FAF1: variants seen among roughly 807,000 people sequenced by gnomAD.
FAF1 encodes Fas associated factor 1.
FAF1 carries 25 observed loss-of-function variants against 92.5 expected under a neutral mutation model. The observed-to-expected ratio is 0.27, with a 90% CI of 0.20 to 0.38. The LOEUF (loss-of-function observed/expected upper bound fraction) is 0.38. Ranked by LOEUF, FAF1 falls within the 10% of genes least tolerant of loss-of-function variation. The pLI is 1.00. For missense variants in FAF1, 636 were observed against 793.3 expected (o/e 0.80, Z 2.38); for synonymous variants, 234 against 273.2 (o/e 0.86, Z 1.42).
intron 12 of FAF1, among the ~76,000 whole-genome samples, chr1:50,574,896 C>CTGTTTTTTTTTTGTTTTTTTTTT: frequency 8.1e-6 from 1 of 122,916 alleles, no homozygotes; most frequent in East Asian, 2.3e-4. Context: ...GTTGTATTAA[C>CTGTTTTTTTTTTGTTTTTTTTTT]TCTTTTTTTT....
At chr1:50,872,513 T>TAGA (rs1436257606) in intron 1 of FAF1, among the ~76,000 whole-genome samples, 1 of 152,210 alleles carries the variant, frequency 6.6e-6, no homozygotes, top group East Asian at 1.9e-4. Context: ...ACAAAGGATT[T>TAGA]AGACTATGAC....
At chr1:50,636,566 G>A (rs968576458) in intron 8 of FAF1, among the ~76,000 whole-genome samples, 14 of 151,906 alleles carry the variant, frequency 9.2e-5, no homozygotes, top group Non-Finnish European at 1.6e-4. Flanking sequence ...ATGTTGGCCA[G>A]GCTAGTCTTG....
At chr1:50,451,849 TTAG>T in intron 18 of FAF1, 1 of 1,015,056 alleles carries the variant, frequency 9.9e-7, no homozygotes, top group Non-Finnish European at 1.2e-6. Context: ...GCCTATGCCT[TTAG>T]ATGGACTGTT....
intron 4 of FAF1, among the ~76,000 whole-genome samples, chr1:50,763,045 A>C (rs1660393946): frequency 6.6e-6 from 1 of 152,146 alleles, no homozygotes; most frequent in Admixed American, 6.5e-5. Flanking sequence ...ACCTGAGGTC[A>C]GGAGTTCAAG....
chr1:50,456,290 A>G (rs1646352088), intron 18 of FAF1, among the ~76,000 whole-genome samples: 1 of 152,096 alleles, frequency 6.6e-6, no homozygotes, highest in Non-Finnish European at 1.5e-5. Flanking sequence ...AGATGTCAAA[A>G]TGAGAGGCTG....
At chr1:50,530,155 A>T (rs1260441228) in intron 15 of FAF1, among the ~76,000 whole-genome samples, 1 of 152,058 alleles carries the variant, frequency 6.6e-6, no homozygotes, top group Admixed American at 6.6e-5. Context: ...AATCTCACAT[A>T]TAAATTTATA....
intron 8 of FAF1, among the ~76,000 whole-genome samples, chr1:50,614,626 G>C (rs749039001): frequency 6.7e-4 from 102 of 152,124 alleles, no homozygotes; most frequent in Non-Finnish European, 1.3e-3. Context: ...GATTACCTAA[G>C]GTCAGGAGTT....
chr1:50,727,014 T>G (rs1658689946), intron 6 of FAF1, among the ~76,000 whole-genome samples: 1 of 152,202 alleles, frequency 6.6e-6, no homozygotes, highest in Non-Finnish European at 1.5e-5. Flanking sequence ...CCTTCTCCAG[T>G]TATATTTATA....
At chr1:50,598,462 T>TAAAA (rs890794436) in intron 8 of FAF1, among the ~76,000 whole-genome samples, 2 of 112,360 alleles carry the variant, frequency 1.8e-5, no homozygotes. Flanking sequence ...AACCTGTCTT[T>TAAAA]AAAAAAAAAA....
At chr1:50,553,865 A>T (rs1335238891) in intron 13 of FAF1, among the ~76,000 whole-genome samples, 1 of 152,070 alleles carries the variant, frequency 6.6e-6, no homozygotes, top group Non-Finnish European at 1.5e-5. Flanking sequence ...TAGAAGAAGC[A>T]TTGTAGTAAA....
intron 4 of FAF1, among the ~76,000 whole-genome samples, chr1:50,776,781 GAAAGT>G (rs1285355259): frequency 6.6e-6 from 1 of 152,020 alleles, no homozygotes; most frequent in Admixed American, 6.6e-5. Context: ...ATTAAACTAA[GAAAGT>G]AAAGGCTAAA....
chr1:50,892,119 C>T (rs1433161223), intron 1 of FAF1, among the ~76,000 whole-genome samples: 1 of 152,300 alleles, frequency 6.6e-6, no homozygotes, highest in East Asian at 1.9e-4. Context: ...GCTGTGCTAG[C>T]AATGAGTGAG....
intron 8 of FAF1, among the ~76,000 whole-genome samples, chr1:50,644,546 C>T (rs1004834811): frequency 6.6e-6 from 1 of 152,164 alleles, no homozygotes; most frequent in African/African-American, 2.4e-5. Context: ...AAAATATAGC[C>T]GCTGGAGCCT....
intron 4 of FAF1, among the ~76,000 whole-genome samples, chr1:50,767,415 C>T (rs919543686): frequency 2.0e-5 from 3 of 152,112 alleles, no homozygotes; most frequent in African/African-American, 7.2e-5. Context: ...GCGAAAATTT[C>T]CCCAGCCTCA....
At chr1:50,850,046 A>C (rs1156733311) in intron 2 of FAF1, among the ~76,000 whole-genome samples, 2 of 152,070 alleles carry the variant, frequency 1.3e-5, no homozygotes, top group African/African-American at 2.4e-5. Flanking sequence ...ATAGTCTGTT[A>C]AGGAATAAAA....
chr1:50,851,081 AT>A (rs57980948), intron 2 of FAF1, among the ~76,000 whole-genome samples: 2,442 of 135,410 alleles, frequency 0.018, 19 homozygotes, highest in African/African-American at 0.045. Context: ...AGCAATTTAC[AT>A]TTTTTTTTTT....
chr1:50,943,536 C>G (rs1645150457), intron 1 of FAF1, among the ~76,000 whole-genome samples: 1 of 152,160 alleles, frequency 6.6e-6, no homozygotes, highest in African/African-American at 2.4e-5. Flanking sequence ...ACCTTAATGC[C>G]TTCCAGGGCC....
intron 17 of FAF1, among the ~76,000 whole-genome samples, chr1:50,481,405 T>C (rs2149002536): frequency 6.6e-6 from 1 of 152,358 alleles, no homozygotes; most frequent in Non-Finnish European, 1.5e-5. Context: ...ATCATTTTTA[T>C]TGTACCTTTT....
At chr1:50,629,137 C>T (rs1042910063) in intron 8 of FAF1, among the ~76,000 whole-genome samples, 4 of 146,028 alleles carry the variant, frequency 2.7e-5, no homozygotes, top group African/African-American at 1.0e-4. Flanking sequence ...GCAAAAAGAT[C>T]AATCTTATAG....
Sources: allele counts gnomAD v4.1 joint callset (sites outside exome capture counted in the v4.1 genomes callset), GRCh38; gene constraint gnomAD v4.1.1; transcripts MANE v1.5; gene names NCBI Gene and HGNC (gene_info 2026-07-23, HGNC 2026-07-21).